The following PCDHGA10 variants were observed in gnomAD, a reference collection of about 807,000 sequenced individuals.
The protein encoded by PCDHGA10 is protocadherin gamma subfamily A, 10, also known as protocadherin gamma-A10.
PCDHGA10 carries 42 observed loss-of-function variants against 59.5 expected under a neutral mutation model. The observed-to-expected ratio is 0.71, with a 90% CI of 0.55 to 0.91. PCDHGA10 has a LOEUF of 0.91. PCDHGA10 is among the 40% of genes least tolerant of loss of function. PCDHGA10 has a pLI of 0.00. For synonymous variants in PCDHGA10, 511 were observed against 517.2 expected (o/e 0.99, Z 0.16); for missense variants, 1,111 against 1,198.2 (o/e 0.93, Z 1.07).
At position 141,477,891 on chromosome 5, in the gene PCDHGA10, G is replaced by A. The variant is rs750359063; in HGVS notation, c.2437-16916G>A. 130 of 1,614,066 alleles carry A rather than the reference G, an allele frequency of 8.1e-5. 1 individual carries two copies. The highest frequency in any genetic ancestry group is 1.1e-4 in the Non-Finnish European group (125 of 1,180,050). On this transcript the variant is annotated intron_variant, in intron 1 of 3. Coordinates refer to ENST00000398610, the MANE Select transcript of PCDHGA10 (RefSeq NM_018913.3). The surrounding 1 kb of genome is among the most constrained non-coding windows in gnomAD (Gnocchi z 4.9). The stretch of plus-strand genomic sequence containing the variant: ...ACCTCAGCTGGCCACCTAGTGTCAC[G>A]GGTGGTAGGCTGGGACGCGGATGCA...
chr5:141,506,262 A>G (rs1395369571), intron 3 of PCDHGA10, among the ~76,000 whole-genome samples: 1 of 152,046 alleles, frequency 6.6e-6, no homozygotes, highest in Admixed American at 6.6e-5. Context: ...CGGCCTGGCC[A>G]ACATAGTGAA....
In PCDHGA10 at chr5:141,486,819, T is replaced by TG; in HGVS notation, c.2437-7988_2437-7987insG. 6.2e-7 allele frequency: 1 copy of TG among 1,614,212 alleles called. No homozygotes were observed. Among genetic ancestry groups the TG allele is most frequent in the Non-Finnish European group, 8.5e-7 (1 of 1,180,034 alleles). On this transcript the variant is annotated intron_variant, in intron 1 of 3. Coordinates refer to ENST00000398610, the MANE Select transcript of PCDHGA10 (RefSeq NM_018913.3). The surrounding 1 kb of genome is among the most constrained non-coding windows in gnomAD (Gnocchi z 5.0). ...GGCAACCCACCCCTTAGCAGCACTG[T>TG]AACAGTTCGTCTATTTGTGCTGGAC...
At chr5:141,448,667 G>A (rs1262994760) in intron 1 of PCDHGA10, among the ~76,000 whole-genome samples, 6 of 151,990 alleles carry the variant, frequency 3.9e-5, no homozygotes, top group African/African-American at 9.7e-5. Flanking sequence ...TTGGCCGGGC[G>A]CGGTGGCTCA....
chr5:141,421,837 G>A, intron 1 of PCDHGA10: 1 of 1,613,782 alleles, frequency 6.2e-7, no homozygotes. Flanking sequence ...CCTGGACCGA[G>A]AGAAAGAGGC....
chr5:141,482,000 G>A (rs1421859839), intron 1 of PCDHGA10, among the ~76,000 whole-genome samples: 8 of 150,854 alleles, frequency 5.3e-5, no homozygotes, highest in East Asian at 1.9e-4. Flanking sequence ...CAGGAGAATC[G>A]CTTTATCTCA....
rs772884830 is a variant in PCDHGA10 at position 141,491,791 on chromosome 5, C to T, written c.2437-3016C>T. ...TAAGGGATTGAACTTGCATCCACTCCTCTCCGGCCGGCTTGGTCGCTGGCT... is the reference window on the plus strand; with the variant it reads ...TAAGGGATTGAACTTGCATCCACTCTTCTCCGGCCGGCTTGGTCGCTGGCT... On this transcript the variant is annotated intron_variant, in intron 1 of 3. Coordinates refer to ENST00000398610, the MANE Select transcript of PCDHGA10 (RefSeq NM_018913.3). This position sits in a 1 kb window ranked among gnomAD's most constrained non-coding sequence, Gnocchi z 6.9. The T allele has an allele frequency of 3.3e-6, 5 of 1,518,376 alleles. No homozygotes were observed. In the African/African-American group the frequency reaches 4.2e-5, roughly 13 times the overall value. The allele number at this position is 1,518,376 out of a possible 1,614,324, so 94.1% of individuals were successfully genotyped here.
At chr5:141,505,323 G>C in intron 2 of PCDHGA10, 70 bp from the exon 3 acceptor site, 1 of 1,606,758 alleles carries the variant, frequency 6.2e-7, no homozygotes, top group South Asian at 1.1e-5. Flanking sequence ...GGGAGCCCTG[G>C]GAGAGGACAG....
At chr5:141,425,381 A>C (rs1374877185) in intron 1 of PCDHGA10, among the ~76,000 whole-genome samples, 3 of 152,194 alleles carry the variant, frequency 2.0e-5, no homozygotes, top group African/African-American at 7.2e-5. Flanking sequence ...GTTGATTCGG[A>C]GGTAGTGATA....
rs1194909537 is a variant in PCDHGA10 at position 141,511,022 on chromosome 5, T to C, written c.2660T>C (p.Phe887Ser). 1 of 1,614,176 alleles carries C rather than the reference T, an allele frequency of 6.2e-7. No individual in the cohort carries two copies. The highest frequency in any genetic ancestry group is 8.5e-7 in the Non-Finnish European group (1 of 1,180,020). ...MGLSARYGPQ[F>S]TLQHVPDYRQ... ...TTGAGCGCCCGCTACGGACCCCAGT[T>C]CACCCTGCAGCACGTGCCCGACTAC... The change falls in exon 4 of 4, where the codon TTC becomes TCC. Residue 887 changes from phenylalanine (F) to serine (S), a missense_variant. Transcript: ENST00000398610.
intron 1 of PCDHGA10, among the ~76,000 whole-genome samples, chr5:141,494,338 ACAG>A (rs2099753688): frequency 6.6e-6 from 1 of 152,224 alleles, no homozygotes; most frequent in African/African-American, 2.4e-5. Flanking sequence ...GTTACCAAGA[ACAG>A]CAGCCATCTT....
chr5:141,489,222 A>C lies in PCDHGA10; in HGVS notation c.2437-5585A>C. On this transcript the variant is annotated intron_variant, in intron 1 of 3. Coordinates refer to ENST00000398610, the MANE Select transcript of PCDHGA10 (RefSeq NM_018913.3). The surrounding 1 kb of genome is among the most constrained non-coding windows in gnomAD (Gnocchi z 4.5). ...ACAGGACAGCACAGACTTACTCTCC[A>C]CAAAGGGACTTCTGGGTCATGGGGC... 6.6e-7 allele frequency: 1 copy of C among 1,515,652 alleles called. No individual in the cohort carries two copies. Among genetic ancestry groups the C allele is most frequent in the Middle Eastern group, 1.8e-4 (1 of 5,598 alleles). 93.9% of individuals were successfully genotyped at this position (1,515,652 alleles called of 1,614,324 possible).
chr5:141,485,359 C>T lies in PCDHGA10; in HGVS notation c.2437-9448C>T. ...TGGATACGGACAGTCTGTCAGCTCG[C>T]AGGCTGCAGGTCGCTGGAGAGGTGA... is the stretch of plus-strand genomic sequence containing the variant. On this transcript the variant is annotated intron_variant, in intron 1 of 3. Transcript: ENST00000398610. The surrounding 1 kb of genome is among the most constrained non-coding windows in gnomAD (Gnocchi z 5.7). 6.2e-7 allele frequency: 1 copy of T among 1,614,144 alleles called. No homozygotes were observed. The highest frequency in any genetic ancestry group is 8.5e-7 in the Non-Finnish European group (1 of 1,180,010).
In PCDHGA10 at chr5:141,432,122, G is replaced by C; in HGVS notation, c.2436+16511G>C. On this transcript the variant is annotated intron_variant, in intron 1 of 3. Transcript: ENST00000398610. This position sits in a 1 kb window ranked among gnomAD's most constrained non-coding sequence, Gnocchi z 6.0. ...CGACAACCCGCCGGTCTTCCCTCAG[G>C]CCTCCTATTCCGCTTATATCCCAGA... 6.2e-7 allele frequency: 1 copy of C among 1,614,052 alleles called. No homozygotes were observed. Among genetic ancestry groups the C allele is most frequent in the Non-Finnish European group, 8.5e-7 (1 of 1,180,022 alleles).
chr5:141,422,871 G>A (rs769543752), intron 1 of PCDHGA10: 1 of 1,614,216 alleles, frequency 6.2e-7, no homozygotes, highest in Admixed American at 1.7e-5. Context: ...GCAACGTGTC[G>A]CTGAGCCTGT....
At chr5:141,438,631 TATATACACAC>T (rs1330021858) in intron 1 of PCDHGA10, among the ~76,000 whole-genome samples, 2,835 of 42,824 alleles carry the variant, frequency 0.066, 23 homozygotes, top group African/African-American at 0.13. Flanking sequence ...TATATATATA[TATATACACAC>T]ACACACACAC....
intron 1 of PCDHGA10, among the ~76,000 whole-genome samples, chr5:141,467,296 A>T (rs1032802325): frequency 1.3e-5 from 2 of 151,740 alleles, no homozygotes; most frequent in South Asian, 4.2e-4. Flanking sequence ...CAAGTGATCC[A>T]CTCACCTCGG....
intron 1 of PCDHGA10, among the ~76,000 whole-genome samples, chr5:141,425,997 A>T (rs1365887915): frequency 6.6e-6 from 1 of 152,174 alleles, no homozygotes; most frequent in African/African-American, 2.4e-5. Context: ...GAATTAGCAA[A>T]GGCTTCCGGC....
intron 1 of PCDHGA10, among the ~76,000 whole-genome samples, chr5:141,450,976 C>T (rs2098702750): frequency 6.6e-6 from 1 of 152,032 alleles, no homozygotes; most frequent in Admixed American, 6.6e-5. Flanking sequence ...AGGCATGTGC[C>T]ACCACACCCG....
At chr5:141,425,842 T>G (rs2096897830) in intron 1 of PCDHGA10, among the ~76,000 whole-genome samples, 1 of 152,230 alleles carries the variant, frequency 6.6e-6, no homozygotes, top group Non-Finnish European at 1.5e-5. Context: ...TTCTCTTTGC[T>G]GGGTTAATGA....
Sources: gnomAD v4.1 joint callset for allele counts (sites outside exome capture counted in the v4.1 genomes callset) on GRCh38, gnomAD v4.1.1 for gene constraint, Gnocchi (gnomAD v3.1) non-coding constraint, MANE v1.5 for transcripts, NCBI Gene and HGNC (gene_info 2026-07-23, HGNC 2026-07-21) for gene names.